The following RBFOX2 variants were observed in gnomAD, a reference collection of about 807,000 sequenced individuals.
RBFOX2 encodes the protein RNA binding protein fox-1 homolog 2.
In RBFOX2, 10 loss-of-function variants were observed where a neutral mutation model predicts 49.1. The observed-to-expected ratio is 0.20, with a 90% confidence interval of 0.13 to 0.35. The LOEUF is 0.35. RBFOX2 is among the 10% of genes least tolerant of loss of function. The pLI, the probability that RBFOX2 is intolerant of heterozygous loss-of-function variation, is 1.00. For missense variants in RBFOX2, 323 were observed against 486.9 expected (o/e 0.66, Z 3.17); for synonymous variants, 183 against 187.4 (o/e 0.98, Z 0.19).
chr22:35,812,494 A>C (rs890308440), intron 1 of RBFOX2, among the ~76,000 whole-genome samples: 2 of 152,120 alleles, frequency 1.3e-5, no homozygotes, highest in East Asian at 1.9e-4. Flanking sequence ...TCAATGCTCT[A>C]TCTCTCTGTC....
intron 1 of RBFOX2, among the ~76,000 whole-genome samples, chr22:35,986,971 T>A (rs1003634105): frequency 1.3e-5 from 2 of 151,844 alleles, no homozygotes; most frequent in African/African-American, 4.8e-5. Flanking sequence ...TTTTTTTTTT[T>A]AAGACTGTTA....
intron 1 of RBFOX2, among the ~76,000 whole-genome samples, chr22:35,893,337 T>C (rs1417329057): frequency 1.3e-5 from 2 of 152,114 alleles, no homozygotes; most frequent in African/African-American, 2.4e-5. Flanking sequence ...TTGAGATAAA[T>C]ACACAAGTAA....
chr22:35,992,160 C>G (rs1374553621), intron 1 of RBFOX2, among the ~76,000 whole-genome samples: 1 of 152,106 alleles, frequency 6.6e-6, no homozygotes, highest in African/African-American at 2.4e-5. Context: ...GCGGATGTTG[C>G]CAATATGCTT....
chr22:35,831,870 T>C (rs1345880942), intron 1 of RBFOX2, among the ~76,000 whole-genome samples: 2 of 152,236 alleles, frequency 1.3e-5, no homozygotes, highest in African/African-American at 4.8e-5. Flanking sequence ...TTGACTTCCA[T>C]TACTCAGTGA....
intron 1 of RBFOX2, among the ~76,000 whole-genome samples, chr22:35,815,636 C>T (rs1250171458): frequency 6.6e-6 from 1 of 152,102 alleles, no homozygotes; most frequent in Non-Finnish European, 1.5e-5. Context: ...ATGGATCATG[C>T]ACACAAACAG....
At chr22:35,965,789 T>G (rs561385126), upstream of RBFOX2, among the ~76,000 whole-genome samples, 1 of 152,058 alleles carries the variant, frequency 6.6e-6, no homozygotes, top group South Asian at 2.1e-4. Context: ...TCCTACAAGC[T>G]CGACAGGAAA....
At chr22:35,980,030 C>T (rs983070607) in intron 1 of RBFOX2, among the ~76,000 whole-genome samples, 1 of 152,196 alleles carries the variant, frequency 6.6e-6, no homozygotes, top group Non-Finnish European at 1.5e-5. Context: ...TACTTATAAA[C>T]TAGTAAAGGG....
chr22:35,910,564 T>C (rs1043151703), intron 1 of RBFOX2, among the ~76,000 whole-genome samples: 1 of 152,178 alleles, frequency 6.6e-6, no homozygotes, highest in Non-Finnish European at 1.5e-5. Context: ...GGAATACCAA[T>C]GGAAGGGATA....
chr22:35,855,267 TTC>T (rs2042384312), intron 1 of RBFOX2, among the ~76,000 whole-genome samples: 1 of 152,194 alleles, frequency 6.6e-6, no homozygotes, highest in African/African-American at 2.4e-5. Context: ...CTATTCCACT[TTC>T]AAGTTTACAC....
At chr22:35,811,187 G>C (rs1033577279) in intron 1 of RBFOX2, among the ~76,000 whole-genome samples, 1 of 152,146 alleles carries the variant, frequency 6.6e-6, no homozygotes, top group Non-Finnish European at 1.5e-5. Context: ...CCACAGTCTA[G>C]ATAAAAAGTG....
rs530180721 is a variant in RBFOX2, at chr22:35,793,151, C to T, written c.253-11405G>A. 2.0e-3 allele frequency among the ~76,000 whole-genome samples: 303 copies of T among 152,354 alleles called. 2 individuals are homozygous for T. The highest frequency in any genetic ancestry group is 3.6e-3 in the Non-Finnish European group (247 of 68,032). On this transcript the variant is annotated intron_variant, in intron 2 of 11. Coordinates refer to ENST00000405409, the Ensembl canonical transcript of RBFOX2. ...CTTTGGGAGGCCAAGGCGGGTGGAT[C>T]ACCTGAGGTCAGGAGTTCGAGACCA...
At chr22:35,746,561 C>A (rs765021490) in exon 10 of RBFOX2, 2 of 1,573,250 alleles carry the variant, frequency 1.3e-6, no homozygotes. Context: ...GCATATCCAC[C>A]CTACAGGAGA....
At chr22:35,752,204 T>C (rs1388329523) in intron 9 of RBFOX2, among the ~76,000 whole-genome samples, 1 of 152,194 alleles carries the variant, frequency 6.6e-6, no homozygotes, top group Non-Finnish European at 1.5e-5. Flanking sequence ...GAAATCCTAT[T>C]TGTACAGTTC....
intron 1 of RBFOX2, among the ~76,000 whole-genome samples, chr22:35,944,239 G>A (rs1017616381): frequency 6.6e-6 from 1 of 152,110 alleles, no homozygotes; most frequent in African/African-American, 2.4e-5. Context: ...AAAAGTGTGT[G>A]GGGGGATGGA....
At chr22:35,885,156 TA>T (rs1433706104) in intron 1 of RBFOX2, among the ~76,000 whole-genome samples, 2 of 152,120 alleles carry the variant, frequency 1.3e-5, no homozygotes, top group African/African-American at 4.8e-5. Flanking sequence ...TAAAAATAAA[TA>T]TCTAAAATTA....
chr22:35,984,272 C>A (rs968647704), intron 1 of RBFOX2, among the ~76,000 whole-genome samples: 1 of 152,192 alleles, frequency 6.6e-6, no homozygotes, highest in African/African-American at 2.4e-5. Context: ...GGCCTAAGCA[C>A]TGAAATGTTT....
chr22:35,798,617 A>G (rs966502740), intron 2 of RBFOX2, among the ~76,000 whole-genome samples: 11 of 152,350 alleles, frequency 7.2e-5, no homozygotes, highest in African/African-American at 2.6e-4. Context: ...AAGTGCTTCA[A>G]ACAATATCTG....
intron 1 of RBFOX2, chr22:35,822,836 T>G (rs771694103): frequency 4.6e-6 from 2 of 439,260 alleles, no homozygotes; most frequent in Non-Finnish European, 9.0e-6. Context: ...TCTTTTTTTT[T>G]TTTTTTGAGA....
chr22:35,884,000 C>CTTTTTTTTTT (rs34644201), intron 1 of RBFOX2, among the ~76,000 whole-genome samples: 2 of 62,684 alleles, frequency 3.2e-5, no homozygotes, highest in African/African-American at 6.3e-5. Context: ...GTAGTTATCT[C>CTTTTTTTTTT]TTTTTTTTTT....
Sources: allele counts gnomAD v4.1 joint callset (sites outside exome capture counted in the v4.1 genomes callset), GRCh38; gene constraint gnomAD v4.1.1; transcripts MANE v1.5; gene names NCBI Gene and HGNC (gene_info 2026-07-23, HGNC 2026-07-21).